SATL1: variants seen among roughly 807,000 people sequenced by gnomAD.
The protein encoded by SATL1 is spermidine/spermine N(1)-acetyltransferase-like protein 1.
In SATL1, 47 loss-of-function variants were observed where a neutral mutation model predicts 51.8. That is an observed-to-expected ratio of 0.91 (90% CI 0.72 to 1.16). The LOEUF (loss-of-function observed/expected upper bound fraction) is 1.16, where lower values mean the gene tolerates loss of function less well. Ranked by LOEUF, SATL1 falls within the 50% of genes most tolerant of loss-of-function variation. SATL1 has a pLI of 0.00. For synonymous variants in SATL1, 176 were observed against 182.4 expected (o/e 0.97, Z 0.28); for missense variants, 520 against 526.4 (o/e 0.99, Z 0.12).
Position 85,108,562 on chromosome X carries a change from T to C in SATL1, c.407A>G (p.Gln136Arg), listed in dbSNP as rs1925164296. The stretch of plus-strand genomic sequence containing the variant: ...GCTGTCTAGTTGCTGCATCACTGGT[T>C]GGCTCATACCTGATTGGTTCGTGCC... ...QIGTNQSGMS[Q>R]PVMQQLDSQS... is the part of the protein sequence containing the mutation. Residue 136 changes from glutamine (Q) to arginine (R), a missense_variant, in exon 3 of 8, where the codon CAA becomes CGA. By Grantham distance (43) the Gln-to-Arg change is conservative (BLOSUM62 1). Coordinates refer to ENST00000644105, the MANE Select transcript of SATL1 (RefSeq NM_001367857.2). 3.3e-6 allele frequency: 4 copies of C among 1,209,046 alleles called. No individual in the cohort carries two copies. The highest frequency in any genetic ancestry group is 4.5e-6 in the Non-Finnish European group (4 of 893,812).
chrX:85,125,846 C>A (rs971474239), intron 2 of SATL1, among the ~76,000 whole-genome samples: 4 of 110,041 alleles, frequency 3.6e-5, no homozygotes, highest in Admixed American at 2.9e-4. Context: ...ACATTTAATT[C>A]TTTATGAATT....
rs1305098822 is a variant in SATL1, at chrX:85,138,886, G to T, written c.-312-29606C>A. Among the ~76,000 whole-genome samples, 3 of 111,892 alleles carry T rather than the reference G, an allele frequency of 2.7e-5. No homozygotes were observed. In the East Asian group the frequency reaches 8.4e-4, roughly 31 times the overall value. On this transcript the variant is annotated intron_variant, in intron 2 of 7. Coordinates refer to ENST00000644105, the MANE Select transcript of SATL1 (RefSeq NM_001367857.2). ...AAGCTGAAAATTCTAATGCAGGAGA[G>T]AAATGAAGATTTTCTGCAGCAAAGT...
intron 2 of SATL1, among the ~76,000 whole-genome samples, chrX:85,137,936 A>G (rs751370569): frequency 2.7e-5 from 3 of 111,798 alleles, no homozygotes; most frequent in Non-Finnish European, 5.6e-5. Flanking sequence ...TCAGTCTACT[A>G]ATAAGCGCAT....
chrX:85,193,857 T>C (rs1927494316), intron 2 of SATL1, among the ~76,000 whole-genome samples: 1 of 112,370 alleles, frequency 8.9e-6, no homozygotes, highest in Non-Finnish European at 1.9e-5. Context: ...ATCTCAATCT[T>C]TTTATGACTG....
intron 1 of SATL1, among the ~76,000 whole-genome samples, chrX:85,232,547 T>G (rs762344988): frequency 9.0e-6 from 1 of 111,354 alleles, no homozygotes; most frequent in Non-Finnish European, 1.9e-5. Context: ...TATATTGGGC[T>G]AGAGAAAAGC....
At chrX:85,106,471 A>G (rs1289787752) in intron 3 of SATL1, among the ~76,000 whole-genome samples, 1 of 112,190 alleles carries the variant, frequency 8.9e-6, no homozygotes, top group Non-Finnish European at 1.9e-5. Context: ...ATTAGTGAGG[A>G]TATTATTAAA....
At chrX:85,128,623 T>C (rs1375693272) in intron 2 of SATL1, among the ~76,000 whole-genome samples, 3 of 112,398 alleles carry the variant, frequency 2.7e-5, no homozygotes, top group African/African-American at 9.7e-5. Context: ...TGGTAGTTTC[T>C]TTTGCTGTGC....
intron 2 of SATL1, among the ~76,000 whole-genome samples, chrX:85,140,421 A>G (rs1926081361): frequency 8.9e-6 from 1 of 111,950 alleles, no homozygotes; most frequent in Non-Finnish European, 1.9e-5. Flanking sequence ...TGAAGCACAG[A>G]GAGATTAGGT....
At chrX:85,191,288 A>T (rs1008539446) in intron 2 of SATL1, among the ~76,000 whole-genome samples, 16 of 111,804 alleles carry the variant, frequency 1.4e-4, no homozygotes, top group African/African-American at 4.5e-4. Flanking sequence ...TTTATTGGAT[A>T]CATTTTGATA....
chrX:85,167,142 G>A, intron 2 of SATL1, among the ~76,000 whole-genome samples: 1 of 108,059 alleles, frequency 9.3e-6, no homozygotes, highest in Non-Finnish European at 1.9e-5. Context: ...AGTAACTCAA[G>A]AATAGAAAAC....
chrX:85,215,513 C>T (rs1415154823), intron 2 of SATL1, among the ~76,000 whole-genome samples: 1 of 111,929 alleles, frequency 8.9e-6, no homozygotes. Context: ...TTTAGGTCAT[C>T]CCTTTACTCC....
chrX:85,115,014 G>A (rs766008684), intron 2 of SATL1, among the ~76,000 whole-genome samples: 3 of 111,591 alleles, frequency 2.7e-5, no homozygotes, highest in African/African-American at 9.8e-5. Context: ...ATATGAACTT[G>A]AAGGTCTTGA....
chrX:85,210,069 G>T (rs1309240756), intron 2 of SATL1: 1 of 109,130 alleles, frequency 9.2e-6, no homozygotes, highest in Non-Finnish European at 1.9e-5. Context: ...GTTTGGACAA[G>T]AAATTATATG....
chrX:85,191,928 T>C (rs753143934), intron 2 of SATL1, among the ~76,000 whole-genome samples: 2 of 112,085 alleles, frequency 1.8e-5, no homozygotes, highest in South Asian at 7.4e-4. Flanking sequence ...AACAGTGTAA[T>C]CCACTGAAAC....
rs144897478 is a variant in SATL1, at chrX:85,122,205, A to G, written c.-312-12925T>C. On this transcript the variant is annotated intron_variant, in intron 2 of 7. Transcript: ENST00000644105. ...TTACTCATTGTTCATCTCAATTTAG[A>G]TGTAACTTTTTGCAGACGTCTTCCC... Among the ~76,000 whole-genome samples, 544 of 111,240 alleles carry G rather than the reference A, an allele frequency of 4.9e-3. 1 individual carries two copies. The highest frequency in any genetic ancestry group is 0.019 in the Middle Eastern group (4 of 216).
chrX:85,099,490 A>G (rs1924831438), intron 4 of SATL1, among the ~76,000 whole-genome samples: 1 of 112,029 alleles, frequency 8.9e-6, no homozygotes, highest in African/African-American at 3.2e-5. Context: ...AATATAGGTT[A>G]AAAAATTCTC....
chrX:85,176,003 AAGATATCC>A (rs1927074259), intron 2 of SATL1, among the ~76,000 whole-genome samples: 1 of 111,561 alleles, frequency 9.0e-6, no homozygotes, highest in African/African-American at 3.2e-5. Context: ...CACCAAACAA[AAGATATCC>A]AGGATAAATA....
intron 2 of SATL1, chrX:85,209,697 T>G (rs1369355923): frequency 2.7e-5 from 3 of 110,926 alleles, no homozygotes; most frequent in Non-Finnish European, 3.8e-5. Context: ...TCATCATTTT[T>G]TATTGTGTCT....
intron 2 of SATL1, among the ~76,000 whole-genome samples, chrX:85,205,519 A>G (rs2086109381): frequency 8.9e-6 from 1 of 112,290 alleles, no homozygotes. Flanking sequence ...GTTTGAAGAG[A>G]TATTTGAATT....
Sources: allele counts gnomAD v4.1 joint callset (sites outside exome capture counted in the v4.1 genomes callset), GRCh38; gene constraint gnomAD v4.1.1; transcripts MANE v1.5; gene names NCBI Gene and HGNC (gene_info 2026-07-23, HGNC 2026-07-21).